RALYL: variants seen among roughly 807,000 people sequenced by gnomAD.
RALYL encodes RALY RNA binding protein like.
RALYL carries 29 observed loss-of-function variants against 35.1 expected under a neutral mutation model. That is an observed-to-expected ratio of 0.83 (90% confidence interval 0.61 to 1.13). RALYL has a LOEUF of 1.13. Among genes scored for constraint, RALYL ranks in the 50% most tolerant of loss-of-function variants. The pLI is 0.00. For synonymous variants in RALYL, 120 were observed against 127.6 expected (o/e 0.94, Z 0.40); for missense variants, 359 against 360.4 (o/e 1.00, Z 0.03).
At chr8:84,404,788 A>G (rs1384256104) in intron 1 of RALYL, among the ~76,000 whole-genome samples, 1 of 152,124 alleles carries the variant, frequency 6.6e-6, no homozygotes, top group Non-Finnish European at 1.5e-5. Context: ...TCAGCTGTGA[A>G]TCTGTCTGGT....
At chr8:84,541,044 TCAAACACC>T (rs994296620) in intron 2 of RALYL, among the ~76,000 whole-genome samples, 5 of 151,984 alleles carry the variant, frequency 3.3e-5, no homozygotes, top group Non-Finnish European at 5.9e-5. Context: ...AGTCATCTAT[TCAAACACC>T]CAAATTATGG....
chr8:84,807,613 C>T (rs1824959372), intron 4 of RALYL, among the ~76,000 whole-genome samples: 1 of 152,140 alleles, frequency 6.6e-6, no homozygotes, highest in Non-Finnish European at 1.5e-5. Context: ...AGTGGTTGTA[C>T]TAGTTTACAT....
At chr8:84,788,960 T>A (rs1466825804) in intron 3 of RALYL, among the ~76,000 whole-genome samples, 1 of 152,202 alleles carries the variant, frequency 6.6e-6, no homozygotes. Context: ...GGAAGACAAT[T>A]GTGCCTGCCT....
rs563609579 is a variant in RALYL, at chr8:84,817,971, C to T, written c.365+13169C>T. 7.2e-5 allele frequency among the ~76,000 whole-genome samples: 11 copies of T among 152,276 alleles called. No homozygotes were observed. The South Asian group carries it at 2.3e-3, about 32-fold the overall frequency. ...TCTTTGCAGCAATTAAGTTGTAAAT[C>T]TTTTCTAAAGTTTCACTGAATCGCA... is the stretch of plus-strand genomic sequence containing the variant. On this transcript the variant is annotated intron_variant, in intron 4 of 8. Coordinates refer to ENST00000521268, the MANE Select transcript of RALYL (RefSeq NM_173848.7).
At chr8:84,694,175 T>C in intron 2 of RALYL, among the ~76,000 whole-genome samples, 1 of 151,926 alleles carries the variant, frequency 6.6e-6, no homozygotes. Flanking sequence ...GAATTTTCTG[T>C]TTGCAGATGA....
At chr8:84,622,631 T>C (rs1176741020) in intron 2 of RALYL, among the ~76,000 whole-genome samples, 1 of 152,146 alleles carries the variant, frequency 6.6e-6, no homozygotes, top group Non-Finnish European at 1.5e-5. Flanking sequence ...GGGAAGTCTC[T>C]CTCAGAGGCC....
At chr8:84,630,608 T>A (rs980884607) in intron 2 of RALYL, among the ~76,000 whole-genome samples, 1 of 151,994 alleles carries the variant, frequency 6.6e-6, no homozygotes, top group African/African-American at 2.4e-5. Context: ...CAAATGTTTT[T>A]TGGCCTCACT....
chr8:84,186,229 A>G (rs1812491443), intron 1 of RALYL, among the ~76,000 whole-genome samples: 2 of 152,198 alleles, frequency 1.3e-5, no homozygotes, highest in Admixed American at 6.5e-5. Flanking sequence ...AGCCAATATG[A>G]TGGCACTAAG....
intron 6 of RALYL, chr8:84,872,662 G>A (rs1840417788): frequency 6.6e-6 from 1 of 152,148 alleles, no homozygotes; most frequent in Admixed American, 6.6e-5. Context: ...TTATCAGTGA[G>A]AACTTCTGTG....
chr8:84,788,451 G>A lies in RALYL; in HGVS notation c.332+13797G>A, dbSNP rs528383316. Among the ~76,000 whole-genome samples, 3 of 152,204 alleles carry A rather than the reference G, an allele frequency of 2.0e-5. No individual in the cohort carries two copies. In the East Asian group the frequency reaches 5.8e-4, roughly 29 times the overall value. ...GAGAATTTTATAACCAAAAAATGATGTATTTTAAAATTAGACATTTTCAGT... is the reference window on the plus strand; with the variant it reads ...GAGAATTTTATAACCAAAAAATGATATATTTTAAAATTAGACATTTTCAGT... On this transcript the variant is annotated intron_variant, in intron 3 of 8. Transcript: ENST00000521268.
At chr8:84,620,441 C>T (rs1821069243) in intron 2 of RALYL, among the ~76,000 whole-genome samples, 1 of 151,872 alleles carries the variant, frequency 6.6e-6, no homozygotes, top group Admixed American at 6.6e-5. Flanking sequence ...GTTTGCAGCT[C>T]CATCAGCTCC....
At chr8:84,827,576 A>C (rs1829985170) in intron 4 of RALYL, among the ~76,000 whole-genome samples, 1 of 152,118 alleles carries the variant, frequency 6.6e-6, no homozygotes, top group African/African-American at 2.4e-5. Context: ...AAATAATTAA[A>C]ATCAATAAAA....
rs373186367 is a variant in RALYL, at chr8:84,529,384, C to T, written c.63C>T (p.Ser21=). 27 of 1,609,390 alleles carry T rather than the reference C, an allele frequency of 1.7e-5. No homozygotes were observed. The highest frequency in any genetic ancestry group is 2.1e-5 in the Non-Finnish European group (25 of 1,177,674). ...AGAATGACCCCAAGTCCATCAACTCCCGTGTTTTCATCGGCAATCTAAATA... is the reference window on the plus strand; with the variant it reads ...AGAATGACCCCAAGTCCATCAACTCTCGTGTTTTCATCGGCAATCTAAATA... ...TNKNDPKSIN[S]RVFIGNLNTA... The change falls in exon 2 of 9, where the codon TCC becomes TCT. Residue 21 remains serine (S), a synonymous_variant. Transcript: ENST00000521268.
At chr8:84,485,100 C>A (rs1267484535) in intron 1 of RALYL, among the ~76,000 whole-genome samples, 1 of 152,122 alleles carries the variant, frequency 6.6e-6, no homozygotes, top group Non-Finnish European at 1.5e-5. Context: ...TTATCCTCTT[C>A]TAACTTTCTA....
At chr8:84,376,581 C>G (rs1250401521) in intron 1 of RALYL, among the ~76,000 whole-genome samples, 1 of 151,622 alleles carries the variant, frequency 6.6e-6, no homozygotes, top group Admixed American at 6.6e-5. Flanking sequence ...GGGTACTTGG[C>G]AAGTTGTCAA....
intron 2 of RALYL, among the ~76,000 whole-genome samples, chr8:84,673,738 A>G (rs1833692031): frequency 6.6e-6 from 1 of 151,992 alleles, no homozygotes; most frequent in African/African-American, 2.4e-5. Flanking sequence ...TTGGCCCTCT[A>G]TGTGTCTGTT....
At chr8:84,907,309 G>GTC (rs1554648365) in intron 8 of RALYL, among the ~76,000 whole-genome samples, 163 of 36,556 alleles carry the variant, frequency 4.5e-3, no homozygotes, top group African/African-American at 0.012. Context: ...AAGATATAGC[G>GTC]TCACACACAC....
chr8:84,261,071 C>T (rs959037160), intron 1 of RALYL, among the ~76,000 whole-genome samples: 1 of 149,472 alleles, frequency 6.7e-6, no homozygotes, highest in Non-Finnish European at 1.5e-5. Context: ...ATGGTTTGTC[C>T]CACTAACTTT....
intron 1 of RALYL, among the ~76,000 whole-genome samples, chr8:84,336,179 A>G (rs762996981): frequency 2.0e-5 from 3 of 152,150 alleles, no homozygotes; most frequent in Non-Finnish European, 4.4e-5. Flanking sequence ...TTCTTGGAAT[A>G]GTCATATTTC....
Sources: gnomAD v4.1 joint callset for allele counts (sites outside exome capture counted in the v4.1 genomes callset) on GRCh38, gnomAD v4.1.1 for gene constraint, MANE v1.5 for transcripts, NCBI Gene and HGNC (gene_info 2026-07-23, HGNC 2026-07-21) for gene names.